The following SMC1A variants were observed in gnomAD, a reference collection of about 807,000 sequenced individuals.
SMC1A encodes the protein structural maintenance of chromosomes protein 1A.
Under a neutral mutation model 94.5 loss-of-function variants are expected in SMC1A, and 4 were observed. That is an observed-to-expected ratio of 0.04 (90% confidence interval 0.02 to 0.10). The LOEUF (loss-of-function observed/expected upper bound fraction) is 0.10, where lower values mean the gene tolerates loss of function less well. Among genes scored for constraint, SMC1A ranks in the 10% least tolerant of loss-of-function variants. The pLI is 1.00. For missense variants in SMC1A, 304 were observed against 989.0 expected (o/e 0.31, Z 9.29); for synonymous variants, 345 against 347.7 (o/e 0.99, Z 0.09).
In SMC1A at chrX:53,412,097, C is replaced by T. The variant is rs1376673921; in HGVS notation, c.1011G>A (p.Glu337=). ...CCTTCTCCACTGACAGCATCTCCTT[C>T]TCCAGCTCATCCATGTCACCTTTAC... ...KKRKGDMDEL[E]KEMLSVEKAR... is the part of the protein sequence containing the mutation. The change falls in exon 6 of 25, where the codon GAG becomes GAA. Residue 337 remains glutamate (E), a synonymous_variant. Coordinates refer to ENST00000322213, the MANE Select transcript of SMC1A (RefSeq NM_006306.4). 8.3e-7 allele frequency: 1 copy of T among 1,209,999 alleles called. No homozygotes were observed. The highest frequency in any genetic ancestry group is 1.7e-5 in the African/African-American group (1 of 57,330).
At chrX:53,413,652 A>G (rs1240528375) in intron 3 of SMC1A, among the ~76,000 whole-genome samples, 1 of 112,096 alleles carries the variant, frequency 8.9e-6, no homozygotes, top group Non-Finnish European at 1.9e-5. Flanking sequence ...CAGTAACAGA[A>G]GCAGCATAGG....
chrX:53,422,713 G>T, upstream of SMC1A: 1 of 543,592 alleles, frequency 1.8e-6, no homozygotes, highest in Non-Finnish European at 3.3e-6. Flanking sequence ...AATGTCGCGA[G>T]AATACGTCCA....
intron 16 of SMC1A, among the ~76,000 whole-genome samples, chrX:53,398,038 T>C (rs781882106): frequency 2.7e-4 from 29 of 109,116 alleles, no homozygotes; most frequent in Admixed American, 1.9e-3. Context: ...TACAAAAAAT[T>C]AGCCAGGCGT....
intron 7 of SMC1A, among the ~76,000 whole-genome samples, chrX:53,410,955 C>G (rs1352526767): frequency 1.1e-3 from 3 of 2,849 alleles, no homozygotes; most frequent in Non-Finnish European, 3.4e-3. Flanking sequence ...AGTAGCCAGG[C>G]ATGGTGGCAA....
chrX:53,410,907 A>G (rs1447098905), intron 7 of SMC1A, among the ~76,000 whole-genome samples: 1 of 72,389 alleles, frequency 1.4e-5, no homozygotes, highest in East Asian at 4.6e-4. Context: ...AGCCTGGGCA[A>G]CAGAGTGAGG....
intron 1 of SMC1A, chrX:53,422,027 G>C: frequency 8.3e-7 from 1 of 1,210,154 alleles, no homozygotes; most frequent in African/African-American, 1.7e-5. Flanking sequence ...TGCGAGGCGA[G>C]AGAGGACGCT....
rs782176250 is a variant in SMC1A, at chrX:53,419,967, A to T, written c.109+2525T>A. ...AAAAAGCTTGCAAACTTGGGCTTAG[A>T]ACCAACAGACCAGGTTCTAATCTTA... On this transcript the variant is annotated intron_variant, in intron 1 of 24. Coordinates refer to ENST00000322213, the MANE Select transcript of SMC1A (RefSeq NM_006306.4). Among the ~76,000 whole-genome samples the T allele has an allele frequency of 2.7e-5, 3 of 111,236 alleles. No individual in the cohort carries two copies. The South Asian group carries it at 1.1e-3, about 42-fold the overall frequency.
At chrX:53,408,840 T>TAAAAAAAAAAAAAAAA (rs1295569888) in intron 9 of SMC1A, among the ~76,000 whole-genome samples, 4 of 67,055 alleles carry the variant, frequency 6.0e-5, no homozygotes, top group Non-Finnish European at 1.1e-4. Context: ...GGTTGAAAAA[T>TAAAAAAAAAAAAAAAA]AAAAAAAAAA....
At chrX:53,386,679 T>C (rs1556886486) in intron 19 of SMC1A, among the ~76,000 whole-genome samples, 1 of 111,847 alleles carries the variant, frequency 8.9e-6, no homozygotes, top group Non-Finnish European at 1.9e-5. Context: ...CTGGTGAATC[T>C]AAGGTGAAAG....
At chrX:53,381,937 G>A in intron 22 of SMC1A, 2 of 394,478 alleles carry the variant, frequency 5.1e-6, no homozygotes, top group East Asian at 4.5e-5. Context: ...TGATGATCAA[G>A]CTAGATTTAC....
chrX:53,399,169 C>T (rs781814542), intron 16 of SMC1A, among the ~76,000 whole-genome samples: 14 of 110,949 alleles, frequency 1.3e-4, no homozygotes, highest in Admixed American at 3.9e-4. Flanking sequence ...ACCCGGGAGG[C>T]GGAGGTTGCA....
intron 19 of SMC1A, among the ~76,000 whole-genome samples, chrX:53,385,721 T>C (rs1347695109): frequency 1.8e-5 from 2 of 111,547 alleles, no homozygotes; most frequent in Non-Finnish European, 3.8e-5. Flanking sequence ...AATTAAAGGG[T>C]TATCTATCGA....
At position 53,381,134 on chromosome X, in the gene SMC1A, T is replaced by A. The variant is rs782416610; in HGVS notation, c.3438-47A>T. 3.0e-5 allele frequency: 13 copies of A among 429,615 alleles called. No homozygotes were observed. In the Middle Eastern group the frequency reaches 2.0e-3, roughly 67 times the overall value. 35.4% of individuals were successfully genotyped at this position (429,615 alleles called of 1,213,427 possible). On this transcript the variant is annotated intron_variant, in intron 22 of 24. Coordinates refer to ENST00000322213, the MANE Select transcript of SMC1A (RefSeq NM_006306.4). ...AGCTGACACTGAGGCGGGGAGGGGG[T>A]GGCAAGGCGGGGTGGGACAGCCCCA...
chrX:53,386,135 G>C lies in SMC1A; in HGVS notation c.2974-2882C>G, dbSNP rs149608374. Among the ~76,000 whole-genome samples the C allele has an allele frequency of 5.0e-3, 553 of 111,131 alleles. 7 individuals are homozygous for C. The highest frequency in any genetic ancestry group is 0.017 in the African/African-American group (526 of 30,612). ...CATGAATCCATTGAGCCTCCAGACT[G>C]GATGAAATTTCCAATTTACAGGAGA... On this transcript the variant is annotated intron_variant, in intron 19 of 24. Transcript: ENST00000322213.
rs782046814 is a variant in SMC1A, at chrX:53,422,431, C to A, written c.109+61G>T. The A allele has an allele frequency of 3.2e-5, 26 of 804,114 alleles. No homozygotes were observed. The African/African-American group carries it at 4.8e-4, about 15-fold the overall frequency. 66.3% of individuals were successfully genotyped at this position (804,114 alleles called of 1,213,427 possible). On this transcript the variant is annotated intron_variant, in intron 1 of 24. Coordinates refer to ENST00000322213, the MANE Select transcript of SMC1A (RefSeq NM_006306.4). ...TTACATGGGCTGGGTTGTACTACTC[C>A]GGCACCGGATAAGGGGTCCAGGCCG...
In SMC1A at chrX:53,409,619, ATC is replaced by A. The variant is rs1273917264; in HGVS notation, c.1255-118_1255-117del. 1.7e-5 allele frequency: 10 copies of A among 579,402 alleles called. No homozygotes were observed. In the African/African-American group the frequency reaches 2.2e-4, roughly 13 times the overall value. 47.7% of individuals were successfully genotyped at this position (579,402 alleles called of 1,213,427 possible). ...TCCAAGAGCCGAACAGTCCAGGACA[ATC>A]TGTCACTAATATAGGAGGCCTACTA... On this transcript the variant is annotated intron_variant, in intron 7 of 24. Transcript: ENST00000322213.
chrX:53,396,155 TG>T, intron 18 of SMC1A, 71 bp downstream of exon 18: 1 of 1,104,589 alleles, frequency 9.1e-7, no homozygotes, highest in Non-Finnish European at 1.2e-6. Context: ...CTGCCCTTCC[TG>T]GTCACTTTCA....
rs2075553590 is a variant in SMC1A, at chrX:53,374,701, G to C, written c.*5402C>G. 1 of 111,934 alleles carries C rather than the reference G, an allele frequency of 8.9e-6. No individual in the cohort carries two copies. The highest frequency in any genetic ancestry group is 1.9e-5 in the Non-Finnish European group (1 of 53,123). The allele number at this position is 111,934 out of a possible 1,213,427, so 9.2% of individuals were successfully genotyped here. ...GGCTCCTATTGCTTCATGGCTTCTA[G>C]CCCATTGTTGCCTTGCTGCTTCATG... On this transcript the variant is annotated 3_prime_UTR_variant, in exon 25 of 25. Transcript: ENST00000322213.
At chrX:53,411,078 G>A (rs2075710897) in intron 7 of SMC1A, among the ~76,000 whole-genome samples, 1 of 109,522 alleles carries the variant, frequency 9.1e-6, no homozygotes, top group Non-Finnish European at 1.9e-5. Flanking sequence ...CTGCATGACA[G>A]AGAAAGACTC....
Sources: allele counts gnomAD v4.1 joint callset (sites outside exome capture counted in the v4.1 genomes callset), GRCh38; gene constraint gnomAD v4.1.1; transcripts MANE v1.5; gene names NCBI Gene and HGNC (gene_info 2026-07-23, HGNC 2026-07-21).